The following LRRTM4 variants were observed in gnomAD, a reference collection of about 807,000 sequenced individuals.
The protein encoded by LRRTM4 is leucine-rich repeat transmembrane neuronal protein 4.
LRRTM4 carries 25 observed loss-of-function variants against 47.6 expected under a neutral mutation model. The observed-to-expected ratio is 0.53, with a 90% confidence interval of 0.38 to 0.73. The LOEUF is 0.73. Among genes scored for constraint, LRRTM4 ranks in the 30% least tolerant of loss-of-function variants. The pLI, the probability that LRRTM4 is intolerant of heterozygous loss-of-function variation, is 0.00. For missense variants in LRRTM4, 638 were observed against 713.4 expected, an observed-to-expected ratio of 0.89 and a Z score of 1.20; for synonymous variants, 311 against 269.5, an observed-to-expected ratio of 1.15 and a Z score of -1.51.
chr2:76,807,453 T>TATACAC (rs1670545541), intron 3 of LRRTM4, among the ~76,000 whole-genome samples: 5 of 100,938 alleles, frequency 5.0e-5, no homozygotes, highest in African/African-American at 1.5e-4. Context: ...TACATATATA[T>TATACAC]ATATACATAT....
intron 3 of LRRTM4, among the ~76,000 whole-genome samples, chr2:77,089,707 C>T (rs1191989314): frequency 1.3e-5 from 2 of 151,772 alleles, no homozygotes; most frequent in East Asian, 3.9e-4. Flanking sequence ...ACCTCTTCAA[C>T]TCACACCTGA....
At chr2:76,905,405 C>A (rs1673793101) in intron 3 of LRRTM4, among the ~76,000 whole-genome samples, 1 of 152,150 alleles carries the variant, frequency 6.6e-6, no homozygotes. Context: ...GGGGAAAAAA[C>A]AGAGCAGAAA....
intron 3 of LRRTM4, among the ~76,000 whole-genome samples, chr2:76,910,077 CA>C (rs992950210): frequency 2.6e-5 from 4 of 151,990 alleles, no homozygotes; most frequent in African/African-American, 7.3e-5. Context: ...TTCACAATAG[CA>C]AAGACTTGGA....
chr2:76,974,384 G>A (rs1573390193), intron 3 of LRRTM4, among the ~76,000 whole-genome samples: 3 of 150,392 alleles, frequency 2.0e-5, no homozygotes, highest in South Asian at 2.1e-4. Flanking sequence ...AGCTAGTAAC[G>A]TTTAACTTGA....
At chr2:76,940,261 T>C (rs1675090270) in intron 3 of LRRTM4, among the ~76,000 whole-genome samples, 3 of 151,980 alleles carry the variant, frequency 2.0e-5, no homozygotes, top group South Asian at 2.1e-4. Context: ...AGTGGTAGGA[T>C]GGATGAAGAA....
intron 3 of LRRTM4, among the ~76,000 whole-genome samples, chr2:76,943,898 T>C (rs1243552749): frequency 6.6e-6 from 1 of 152,224 alleles, no homozygotes; most frequent in Non-Finnish European, 1.5e-5. Flanking sequence ...ATCTTGTGTA[T>C]CTGGCCATAT....
chr2:77,411,192 C>T (rs937393179), intron 3 of LRRTM4, among the ~76,000 whole-genome samples: 1 of 152,218 alleles, frequency 6.6e-6, no homozygotes. Context: ...CGCCTGGTCC[C>T]TCACACAAGA....
chr2:77,340,780 A>T (rs10445901), intron 3 of LRRTM4, among the ~76,000 whole-genome samples: 76,265 of 151,756 alleles, frequency 0.5, 22,624 homozygotes, highest in Non-Finnish European at 0.67. Flanking sequence ...GGCATTTGAC[A>T]CTACAAGTTG....
intron 3 of LRRTM4, among the ~76,000 whole-genome samples, chr2:76,913,650 G>A (rs1369254199): frequency 6.7e-6 from 1 of 149,926 alleles, no homozygotes; most frequent in South Asian, 2.1e-4. Context: ...AGTGATTCTC[G>A]TACCTCAGCC....
intron 3 of LRRTM4, among the ~76,000 whole-genome samples, chr2:76,798,525 A>G (rs1367649100): frequency 1.1e-4 from 16 of 145,970 alleles, no homozygotes; most frequent in Non-Finnish European, 1.5e-5. Context: ...ACACCCTAAC[A>G]TCACAATTAA....
intron 3 of LRRTM4, among the ~76,000 whole-genome samples, chr2:77,035,444 G>T (rs1311162644): frequency 6.6e-6 from 1 of 151,748 alleles, no homozygotes; most frequent in Non-Finnish European, 1.5e-5. Context: ...TACAGCCACA[G>T]TTACTTTTCT....
At chr2:77,427,267 G>T (rs187079258) in intron 3 of LRRTM4, among the ~76,000 whole-genome samples, 118 of 152,154 alleles carry the variant, frequency 7.8e-4, no homozygotes, top group African/African-American at 2.7e-3. Flanking sequence ...GTGAGCCACC[G>T]CACCCGGCCT....
intron 3 of LRRTM4, among the ~76,000 whole-genome samples, chr2:77,242,018 C>T (rs1675282389): frequency 6.6e-6 from 1 of 152,212 alleles, no homozygotes; most frequent in South Asian, 2.1e-4. Context: ...ATGCCATTAT[C>T]ACACTGTTTT....
intron 3 of LRRTM4, among the ~76,000 whole-genome samples, chr2:77,154,529 T>C (rs1278552175): frequency 6.6e-6 from 1 of 152,136 alleles, no homozygotes; most frequent in African/African-American, 2.4e-5. Flanking sequence ...GAAACAAGTA[T>C]ACATATTAGT....
chr2:77,123,437 G>A (rs1671571558), intron 3 of LRRTM4, among the ~76,000 whole-genome samples: 1 of 152,012 alleles, frequency 6.6e-6, no homozygotes, highest in African/African-American at 2.4e-5. Context: ...AAATGACAAT[G>A]TTGCTATATT....
intron 3 of LRRTM4, among the ~76,000 whole-genome samples, chr2:77,343,180 C>A (rs1162143258): frequency 6.6e-6 from 1 of 151,976 alleles, no homozygotes; most frequent in African/African-American, 2.4e-5. Context: ...CTGTCACTTG[C>A]AACCAAAAGA....
chr2:77,073,882 T>C (rs763091521), intron 3 of LRRTM4, among the ~76,000 whole-genome samples: 4 of 152,062 alleles, frequency 2.6e-5, no homozygotes, highest in Non-Finnish European at 5.9e-5. Flanking sequence ...AGCTTCTTGA[T>C]TTTTATGCTA....
Position 77,222,081 on chromosome 2 carries a change from C to G in LRRTM4, c.1551+296237G>C, listed in dbSNP as rs569865895. Among the ~76,000 whole-genome samples the G allele has an allele frequency of 1.1e-4, 16 of 152,206 alleles. No homozygotes were observed. In the East Asian group the frequency reaches 3.1e-3, roughly 29 times the overall value. ...TCAAAACCGCTCAACTACATGGAAACAGAACAACCTGCTCCTGAATGACTA... is the reference window on the plus strand; with the variant it reads ...TCAAAACCGCTCAACTACATGGAAAGAGAACAACCTGCTCCTGAATGACTA... On this transcript the variant is annotated intron_variant, in intron 3 of 3. Coordinates refer to ENST00000409884, the MANE Select transcript of LRRTM4 (RefSeq NM_001134745.3).
At chr2:77,177,132 TCTAC>T (rs1256687236) in intron 3 of LRRTM4, among the ~76,000 whole-genome samples, 2 of 152,178 alleles carry the variant, frequency 1.3e-5, no homozygotes, top group African/African-American at 2.4e-5. Flanking sequence ...TAGGGGCTGC[TCTAC>T]CTATGGAGTA....
Sources: gnomAD v4.1 joint callset for allele counts (sites outside exome capture counted in the v4.1 genomes callset) on GRCh38, gnomAD v4.1.1 for gene constraint, MANE v1.5 for transcripts, NCBI Gene and HGNC (gene_info 2026-07-23, HGNC 2026-07-21) for gene names.